Variants in MPV17L2 observed in about 807,000 individuals in gnomAD.
The protein encoded by MPV17L2 is mpv17-like protein 2.
In MPV17L2, 25 loss-of-function variants were observed where a neutral mutation model predicts 24.2. That is an observed-to-expected ratio of 1.03 (90% CI 0.75 to 1.44). MPV17L2 has a LOEUF of 1.44. Ranked by LOEUF, MPV17L2 falls within the 40% of genes most tolerant of loss-of-function variation. The pLI is 0.00. For missense variants in MPV17L2, 271 were observed against 276.2 expected, an observed-to-expected ratio of 0.98 and a Z score of 0.13; for synonymous variants, 130 against 121.4, an observed-to-expected ratio of 1.07 and a Z score of -0.46.
rs766785545 is a variant in MPV17L2 at position 18,193,828 on chromosome 19, C to T, written c.188-36C>T. 16 of 1,606,536 alleles carry T rather than the reference C, an allele frequency of 1.0e-5. No individual in the cohort carries two copies. In the South Asian group the frequency reaches 1.4e-4, roughly 14 times the overall value. The stretch of plus-strand genomic sequence containing the variant: ...AGAGGGAATGGACTGAGGAACTTGC[C>T]GGCCCGACCCAGCCCCCTGACTTAC... On this transcript the variant is annotated intron_variant, in intron 1 of 4. Coordinates refer to ENST00000599612, the MANE Select transcript of MPV17L2 (RefSeq NM_032683.3).
At chr19:18,194,466 C>T (rs953911635) in intron 2 of MPV17L2, among the ~76,000 whole-genome samples, 2 of 152,212 alleles carry the variant, frequency 1.3e-5, no homozygotes, top group African/African-American at 4.8e-5. Context: ...CTCCACCTCC[C>T]AGCCCGGCTT....
rs985936807 is a variant in MPV17L2, at chr19:18,196,513, G to C, written c.*458G>C. On this transcript the variant is annotated 3_prime_UTR_variant, in exon 5 of 5. Coordinates refer to ENST00000599612, the MANE Select transcript of MPV17L2 (RefSeq NM_032683.3). ...CCCCAAAAGTTTCACATAGGGCCAG[G>C]CAGCCTCTGTGTTTCTTTCCCTGGT... is the stretch of plus-strand genomic sequence containing the variant. 1 of 1,084,486 alleles carries C rather than the reference G, an allele frequency of 9.2e-7. No homozygotes were observed. The allele number at this position is 1,084,486 out of a possible 1,614,324, so 67.2% of individuals were successfully genotyped here.
chr19:18,193,901 C>A lies in MPV17L2; in HGVS notation c.225C>A (p.Phe75Leu), dbSNP rs760039217. ...CGGTGGGCTGCAGCATGGGTCCCTT[C>A]CTGCACTACTGGTACTTGTCGCTGG... ...MFAVGCSMGPFLHYWYLSLDR... is the reference protein window; with the variant it reads ...MFAVGCSMGPLLHYWYLSLDR... The change falls in exon 2 of 5, where the codon TTC becomes TTA. Residue 75 changes from phenylalanine (F) to leucine (L), a missense_variant. Physicochemically the swap from Phe to Leu is conservative, Grantham distance 22 (BLOSUM62 0). Transcript: ENST00000599612. The A allele has an allele frequency of 6.2e-7, 1 of 1,614,198 alleles. No individual in the cohort carries two copies. The highest frequency in any genetic ancestry group is 8.5e-7 in the Non-Finnish European group (1 of 1,180,028).
In MPV17L2 at chr19:18,194,854, G is replaced by A; in HGVS notation, c.435+1G>A. 1.9e-6 allele frequency: 3 copies of A among 1,603,512 alleles called. No homozygotes were observed. Among genetic ancestry groups the A allele is most frequent in the Admixed American group, 1.7e-5 (1 of 58,700 alleles). ...GGAGAAGTTCTGGGAATTCTACAAG[G>A]TGGGAGCACCCGCCCCTTGCACATG... On this transcript the variant is annotated splice_donor_variant, in intron 3 of 4. Coordinates refer to ENST00000599612, the MANE Select transcript of MPV17L2 (RefSeq NM_032683.3). LOFTEE classifies it high-confidence loss of function.
In MPV17L2 at chr19:18,193,890, A is replaced by G. The variant is rs874628; in HGVS notation, c.214A>G (p.Met72Val). The G allele has an allele frequency of 0.27, 431,536 of 1,613,910 alleles. 59,626 individuals are homozygous for G. Among genetic ancestry groups the G allele is most frequent in the Middle Eastern group, 0.35 (2,099 of 6,060 alleles). ...SASMFAVGCS[M>V]GPFLHYWYLS... ...GAGCATGTTTGCGGTGGGCTGCAGC[A>G]TGGGTCCCTTCCTGCACTACTGGTA... The change falls in exon 2 of 5, where the codon ATG becomes GTG. Residue 72 changes from methionine to valine, a missense_variant. Physicochemically the swap from Met to Val is conservative, Grantham distance 21. Coordinates refer to ENST00000599612, the MANE Select transcript of MPV17L2 (RefSeq NM_032683.3).
chr19:18,194,313 G>A (rs1019302029), intron 2 of MPV17L2, among the ~76,000 whole-genome samples: 1 of 152,188 alleles, frequency 6.6e-6, no homozygotes, highest in African/African-American at 2.4e-5. Flanking sequence ...GACATGAAGA[G>A]GGAACCAGCG....
At chr19:18,193,649 G>A (rs1568649236) in intron 1 of MPV17L2, 181 bp downstream of exon 1, 6 of 1,420,998 alleles carry the variant, frequency 4.2e-6, no homozygotes, top group African/African-American at 1.4e-5. Context: ...CCAACCCCCG[G>A]AGGTCTCTGC....
chr19:18,195,101 C>T lies in MPV17L2; in HGVS notation c.564+15C>T. The T allele has an allele frequency of 1.2e-6, 2 of 1,611,798 alleles. No homozygotes were observed. Among genetic ancestry groups the T allele is most frequent in the Non-Finnish European group, 1.7e-6 (2 of 1,178,582 alleles). ...TGAAGTACCGGGTGAGTGTGGAGGG[C>T]ATACCAGGCACCCAGGGGACTCCCC... is the stretch of plus-strand genomic sequence containing the variant. On this transcript the variant is annotated intron_variant, in intron 4 of 4. Coordinates refer to ENST00000599612, the MANE Select transcript of MPV17L2 (RefSeq NM_032683.3).
chr19:18,195,513 G>A (rs1967498259), intron 4 of MPV17L2, among the ~76,000 whole-genome samples: 1 of 149,798 alleles, frequency 6.7e-6, no homozygotes, highest in Non-Finnish European at 1.5e-5. Context: ...TCCAGCCTAG[G>A]TGACAGAGCG....
At chr19:18,194,056 G>A in intron 2 of MPV17L2, 22 bp downstream of exon 2, 1 of 1,611,176 alleles carries the variant, frequency 6.2e-7, no homozygotes, top group East Asian at 2.2e-5. Flanking sequence ...CCTAAGCCTA[G>A]GCTTTGCCTC....
At chr19:18,193,753 G>A in intron 1 of MPV17L2, 111 bp from the exon 2 acceptor site, 1 of 1,517,260 alleles carries the variant, frequency 6.6e-7, no homozygotes, top group African/African-American at 1.4e-5. Context: ...CGGTGAGGCT[G>A]AGGCTCCGGG....
rs996036836 is a variant in MPV17L2, at chr19:18,193,447, G to A, written c.166G>A (p.Val56Ile). ...GGAGATCCGCGCCCGGCCCGGCCAG[G>A]TTTTCGACCCACGGCGCTCCGGTGA... is the stretch of plus-strand genomic sequence containing the variant. ...SWEIRARPGQ[V>I]FDPRRSASMF... Residue 56 changes from valine (V) to isoleucine (I), a missense_variant, in exon 1 of 5, where the codon GTT (valine) becomes ATT (isoleucine). Val to Ile is a conservative substitution (Grantham distance 29). Coordinates refer to ENST00000599612, the MANE Select transcript of MPV17L2 (RefSeq NM_032683.3). The A allele has an allele frequency of 1.2e-5, 18 of 1,542,078 alleles. No homozygotes were observed. Among genetic ancestry groups the A allele is most frequent in the Non-Finnish European group, 1.6e-5 (18 of 1,155,304 alleles).
Position 18,196,358 on chromosome 19 carries a change from G to C in MPV17L2, c.*303G>C. On this transcript the variant is annotated 3_prime_UTR_variant, in exon 5 of 5. Coordinates refer to ENST00000599612, the MANE Select transcript of MPV17L2 (RefSeq NM_032683.3). Reference sequence around the variant, plus strand: ...GGCCCACTCTGCCAACCAGTCTCAAGCACCAGCCCCTCAACACTGCCATCC... The same window carrying C: ...GGCCCACTCTGCCAACCAGTCTCAACCACCAGCCCCTCAACACTGCCATCC... 1 of 1,364,278 alleles carries C rather than the reference G, an allele frequency of 7.3e-7. No homozygotes were observed. Among genetic ancestry groups the C allele is most frequent in the Non-Finnish European group, 9.6e-7 (1 of 1,037,048 alleles). 84.5% of individuals were successfully genotyped at this position (1,364,278 alleles called of 1,614,324 possible).
Position 18,195,989 on chromosome 19 carries a change from G to T in MPV17L2, c.565-10G>T. On this transcript the variant is annotated splice_polypyrimidine_tract_variant and intron_variant, in intron 4 of 4. Coordinates refer to ENST00000599612, the MANE Select transcript of MPV17L2 (RefSeq NM_032683.3). ...GGCTTCTGACCAGATGCCTTGTCTT[G>T]TGTGGACAGAGCCCAGTTCCTCTGA... 1.2e-6 allele frequency: 2 copies of T among 1,601,624 alleles called. No individual in the cohort carries two copies. Among genetic ancestry groups the T allele is most frequent in the South Asian group, 1.1e-5 (1 of 89,352 alleles).
At position 18,193,247 on chromosome 19, in the gene MPV17L2, A is replaced by C; in HGVS notation, c.-35A>C. 3 of 1,446,686 alleles carry C rather than the reference A, an allele frequency of 2.1e-6. No individual in the cohort carries two copies. The highest frequency in any genetic ancestry group is 2.7e-6 in the Non-Finnish European group (3 of 1,107,020). The allele number at this position is 1,446,686 out of a possible 1,614,324, so 89.6% of individuals were successfully genotyped here. A position where few individuals can be genotyped will look rare whatever the true frequency, so the allele number is the denominator to read the frequency against. On this transcript the variant is annotated 5_prime_UTR_variant, in exon 1 of 5. Coordinates refer to ENST00000599612, the MANE Select transcript of MPV17L2 (RefSeq NM_032683.3). Reference sequence around the variant, plus strand: ...CGCGACTGGTCGGCGCGGCGAAAGCAGAGCGGCGCGCCGGTTCCTTGGTTC... The same window carrying C: ...CGCGACTGGTCGGCGCGGCGAAAGCCGAGCGGCGCGCCGGTTCCTTGGTTC...
In MPV17L2 at chr19:18,196,520, C is replaced by T; in HGVS notation, c.*465C>T. 5 of 1,022,230 alleles carry T rather than the reference C, an allele frequency of 4.9e-6. No individual in the cohort carries two copies. The highest frequency in any genetic ancestry group is 6.6e-6 in the Non-Finnish European group (5 of 761,750). 63.3% of individuals were successfully genotyped at this position (1,022,230 alleles called of 1,614,324 possible). On this transcript the variant is annotated 3_prime_UTR_variant, in exon 5 of 5. Coordinates refer to ENST00000599612, the MANE Select transcript of MPV17L2 (RefSeq NM_032683.3). ...AGTTTCACATAGGGCCAGGCAGCCTCTGTGTTTCTTTCCCTGGTCCTGAAC... is the reference window on the plus strand; with the variant it reads ...AGTTTCACATAGGGCCAGGCAGCCTTTGTGTTTCTTTCCCTGGTCCTGAAC...
In MPV17L2 at chr19:18,193,353, G is replaced by T. The variant is rs1051795210; in HGVS notation, c.72G>T (p.Ala24=). 2 of 1,565,284 alleles carry T rather than the reference G, an allele frequency of 1.3e-6. No homozygotes were observed. Among genetic ancestry groups the T allele is most frequent in the African/African-American group, 1.4e-5 (1 of 72,406 alleles). Residue 24 remains alanine (A), a synonymous_variant, in exon 1 of 5, where the codon GCG becomes GCT. Coordinates refer to ENST00000599612, the MANE Select transcript of MPV17L2 (RefSeq NM_032683.3). ...SAGQLLFQGR[A]LLVTNTLGCG... ...GGCAGCTTCTATTCCAGGGCCGCGCGCTGCTCGTCACTAACACGCTGGGCT... is the reference window on the plus strand; with the variant it reads ...GGCAGCTTCTATTCCAGGGCCGCGCTCTGCTCGTCACTAACACGCTGGGCT...
Position 18,195,039 on chromosome 19 carries a change from G to A in MPV17L2, c.517G>A (p.Gly173Ser), listed in dbSNP as rs772772653. 1.9e-6 allele frequency: 3 copies of A among 1,613,916 alleles called. No individual in the cohort carries two copies. The highest frequency in any genetic ancestry group is 2.2e-5 in the East Asian group (1 of 44,896). ...CCAATTTCGAGTCACCTACATCAAC[G>A]GCCTGACGCTGGGCTGGGACACGTA... ...PPQFRVTYIN[G>S]LTLGWDTYLS... The change falls in exon 4 of 5, where the codon GGC becomes AGC. Residue 173 changes from glycine (G) to serine (S), a missense_variant. Transcript: ENST00000599612.
chr19:18,196,101 C>T lies in MPV17L2; in HGVS notation c.*46C>T. 1 of 1,613,580 alleles carries T rather than the reference C, an allele frequency of 6.2e-7. No individual in the cohort carries two copies. The highest frequency in any genetic ancestry group is 8.5e-7 in the Non-Finnish European group (1 of 1,179,910). ...GATGCAAGACTGTCTCCTGGCGGACCACCCCCTCTGACAGAAGGGGAATGG... is the reference window on the plus strand; with the variant it reads ...GATGCAAGACTGTCTCCTGGCGGACTACCCCCTCTGACAGAAGGGGAATGG... On this transcript the variant is annotated 3_prime_UTR_variant, in exon 5 of 5. Transcript: ENST00000599612.
Sources: allele counts gnomAD v4.1 joint callset (sites outside exome capture counted in the v4.1 genomes callset), GRCh38; gene constraint gnomAD v4.1.1; transcripts MANE v1.5; gene names NCBI Gene and HGNC (gene_info 2026-07-23, HGNC 2026-07-21).